FBXL17: variants seen among roughly 807,000 people sequenced by gnomAD.
The protein encoded by FBXL17 is F-box and leucine rich repeat protein 17, also known as F-box/LRR-repeat protein 17.
FBXL17 carries 22 observed loss-of-function variants against 66.2 expected under a neutral mutation model. The observed-to-expected ratio is 0.33, with a 90% CI of 0.24 to 0.47. FBXL17 has a LOEUF of 0.47. Ranked by LOEUF, FBXL17 falls within the 20% of genes least tolerant of loss-of-function variation. The probability of loss-of-function intolerance (pLI) is 1.00; values close to 1 mark genes in which losing one functional copy is unlikely to be tolerated. For synonymous variants in FBXL17, 474 were observed against 400.5 expected (o/e 1.18, Z -2.19); for missense variants, 878 against 948.2 (o/e 0.93, Z 0.97).
intron 6 of FBXL17, among the ~76,000 whole-genome samples, chr5:108,143,964 TA>T (rs946822019): frequency 2.0e-5 from 3 of 152,032 alleles, no homozygotes; most frequent in Admixed American, 1.3e-4. Flanking sequence ...GGAAAAAACT[TA>T]TAACTGAAAA....
intron 7 of FBXL17, among the ~76,000 whole-genome samples, chr5:108,007,294 G>C (rs1753965144): frequency 6.6e-6 from 1 of 152,094 alleles, no homozygotes; most frequent in Non-Finnish European, 1.5e-5. Context: ...TCAATCAGTG[G>C]ACTGAACACG....
intron 7 of FBXL17, among the ~76,000 whole-genome samples, chr5:107,911,789 A>T (rs958618511): frequency 3.3e-5 from 5 of 152,188 alleles, no homozygotes; most frequent in Non-Finnish European, 5.9e-5. Context: ...AAATATTTGT[A>T]GCATGTAACA....
chr5:108,374,053 A>G (rs1749251392), intron 1 of FBXL17, among the ~76,000 whole-genome samples: 1 of 152,242 alleles, frequency 6.6e-6, no homozygotes, highest in African/African-American at 2.4e-5. Flanking sequence ...ACATATAGCA[A>G]AAACTGACAG....
chr5:108,160,412 G>C (rs1292039598), intron 6 of FBXL17, among the ~76,000 whole-genome samples: 1 of 152,146 alleles, frequency 6.6e-6, no homozygotes, highest in African/African-American at 2.4e-5. Flanking sequence ...TGTAACTACA[G>C]TATAGTAATT....
chr5:107,985,672 T>A (rs1343705236), intron 7 of FBXL17, among the ~76,000 whole-genome samples: 1 of 152,202 alleles, frequency 6.6e-6, no homozygotes, highest in Non-Finnish European at 1.5e-5. Context: ...TCTATATACA[T>A]CTGAATGATC....
At chr5:107,983,191 A>G (rs1312899687) in intron 7 of FBXL17, among the ~76,000 whole-genome samples, 3 of 152,030 alleles carry the variant, frequency 2.0e-5, no homozygotes, top group African/African-American at 7.2e-5. Context: ...CTGACTGCCC[A>G]GTGTCTGAGT....
chr5:108,068,612 T>A (rs777531860), intron 6 of FBXL17, among the ~76,000 whole-genome samples: 1 of 151,950 alleles, frequency 6.6e-6, no homozygotes, highest in Non-Finnish European at 1.5e-5. Context: ...CGTGCCACCA[T>A]GCCCAGCTAA....
At chr5:107,895,871 T>A (rs1365604804) in intron 7 of FBXL17, among the ~76,000 whole-genome samples, 1 of 152,192 alleles carries the variant, frequency 6.6e-6, no homozygotes, top group Non-Finnish European at 1.5e-5. Flanking sequence ...ATGGTATTAA[T>A]AACAATGATT....
chr5:108,218,057 G>A lies in FBXL17; in HGVS notation c.1614+6064C>T, dbSNP rs1439309583. Among the ~76,000 whole-genome samples, 5 of 130,216 alleles carry A rather than the reference G, an allele frequency of 3.8e-5. No individual in the cohort carries two copies. In the South Asian group the frequency reaches 7.1e-4, roughly 19 times the overall value. The allele number at this position is 130,216 out of a possible 152,430, so 85.4% of individuals were successfully genotyped here. On this transcript the variant is annotated intron_variant, in intron 5 of 8. Coordinates refer to ENST00000542267, the MANE Select transcript of FBXL17 (RefSeq NM_001163315.3). ...TTTTGAGACAGAGTCTCACTCTGTC[G>A]CCTAGGCTGGAGTGCAGTGGCCACT...
At chr5:108,095,214 T>C (rs1749323845) in intron 6 of FBXL17, among the ~76,000 whole-genome samples, 1 of 151,758 alleles carries the variant, frequency 6.6e-6, no homozygotes, top group Admixed American at 6.6e-5. Context: ...CTTTTAAAGG[T>C]CCCAAATCAA....
chr5:108,271,604 C>T (rs1268597398), intron 4 of FBXL17, among the ~76,000 whole-genome samples: 1 of 152,204 alleles, frequency 6.6e-6, no homozygotes, highest in Non-Finnish European at 1.5e-5. Flanking sequence ...TGGATTAATA[C>T]ATGTTTATGA....
intron 4 of FBXL17, among the ~76,000 whole-genome samples, chr5:108,275,779 G>C (rs1048664027): frequency 6.6e-6 from 1 of 152,140 alleles, no homozygotes; most frequent in African/African-American, 2.4e-5. Context: ...TCTAACTCTA[G>C]AGCTTGCTCA....
intron 4 of FBXL17, among the ~76,000 whole-genome samples, chr5:108,331,049 T>A (rs1048092150): frequency 6.6e-6 from 1 of 151,874 alleles, no homozygotes; most frequent in Non-Finnish European, 1.5e-5. Flanking sequence ...CAAGACTCCA[T>A]CTCAAAAAAA....
At chr5:108,179,817 T>C (rs974082346) in intron 6 of FBXL17, among the ~76,000 whole-genome samples, 22 of 152,306 alleles carry the variant, frequency 1.4e-4, no homozygotes, top group African/African-American at 4.6e-4. Flanking sequence ...TAATGAACTA[T>C]TATTTTTTAA....
At chr5:108,298,675 T>C in intron 4 of FBXL17, 19 of 827,486 alleles carry the variant, frequency 2.3e-5, no homozygotes, top group Non-Finnish European at 2.8e-5. Flanking sequence ...TAATATACTA[T>C]CTTCCTCATA....
chr5:108,245,974 G>C (rs545362847), intron 4 of FBXL17, among the ~76,000 whole-genome samples: 1 of 152,130 alleles, frequency 6.6e-6, no homozygotes, highest in African/African-American at 2.4e-5. Context: ...TTGAATACAT[G>C]AATGAGTTAA....
At chr5:107,934,787 A>G (rs1750845286) in intron 7 of FBXL17, among the ~76,000 whole-genome samples, 1 of 152,178 alleles carries the variant, frequency 6.6e-6, no homozygotes. Flanking sequence ...TATGTATTAT[A>G]TTTCCTGTAA....
chr5:107,951,114 G>C (rs1350868122), intron 7 of FBXL17, among the ~76,000 whole-genome samples: 1 of 152,162 alleles, frequency 6.6e-6, no homozygotes, highest in Non-Finnish European at 1.5e-5. Context: ...GACTGGCTAG[G>C]CAGGAGGTCA....
At chr5:108,053,950 T>C (rs1427692891) in intron 6 of FBXL17, among the ~76,000 whole-genome samples, 2 of 152,202 alleles carry the variant, frequency 1.3e-5, no homozygotes, top group Admixed American at 6.5e-5. Flanking sequence ...AATGAGATCA[T>C]GTCCTTGGCA....
Sources: gnomAD v4.1 joint callset for allele counts (sites outside exome capture counted in the v4.1 genomes callset) on GRCh38, gnomAD v4.1.1 for gene constraint, MANE v1.5 for transcripts, NCBI Gene and HGNC (gene_info 2026-07-23, HGNC 2026-07-21) for gene names.